The following PREPL variants were observed in gnomAD, a reference collection of about 807,000 sequenced individuals.
The protein encoded by PREPL is prolyl endopeptidase like, also known as prolyl endopeptidase-like.
PREPL carries 77 observed loss-of-function variants against 70.6 expected under a neutral mutation model. The observed-to-expected ratio is 1.09, with a 90% confidence interval of 0.91 to 1.32. The LOEUF is 1.32. Ranked by LOEUF, PREPL falls within the 40% of genes most tolerant of loss-of-function variation. The probability of loss-of-function intolerance (pLI) is 0.00; values close to 1 mark genes in which losing one functional copy is unlikely to be tolerated. For synonymous variants in PREPL, 315 were observed against 264.8 expected, an observed-to-expected ratio of 1.19 and a Z score of -1.84; for missense variants, 1,002 against 778.2, an observed-to-expected ratio of 1.29 and a Z score of -3.42.
At chr2:44,340,842 C>G (rs1264576326) in intron 5 of PREPL, among the ~76,000 whole-genome samples, 1 of 151,028 alleles carries the variant, frequency 6.6e-6, no homozygotes, top group Non-Finnish European at 1.5e-5. Context: ...GTAGAAGAAT[C>G]ACTTGAACCT....
At chr2:44,322,635 A>C in intron 12 of PREPL, 96 bp downstream of exon 12, 1 of 1,454,076 alleles carries the variant, frequency 6.9e-7, no homozygotes. Flanking sequence ...TCCTGGGCAG[A>C]TGATTTGGCT....
chr2:44,359,467 T>A (rs374590012), intron 1 of PREPL: 117 of 1,473,342 alleles, frequency 7.9e-5, no homozygotes, highest in Middle Eastern at 2.3e-4. Context: ...CTTAATGACC[T>A]ACAAATAGGT....
chr2:44,346,130 T>C (rs1675792201), intron 2 of PREPL, 138 bp downstream of exon 2: 1 of 633,058 alleles, frequency 1.6e-6, no homozygotes, highest in Non-Finnish European at 2.5e-6. Context: ...TCTTTGCTTT[T>C]TAAGTTTTTC....
chr2:44,356,231 C>T (rs1677028106), intron 1 of PREPL: 1 of 152,078 alleles, frequency 6.6e-6, no homozygotes, highest in Non-Finnish European at 1.5e-5. Flanking sequence ...CCAGAATTAC[C>T]TGATGTGAAC....
chr2:44,335,773 A>G (rs1674576780), intron 7 of PREPL, among the ~76,000 whole-genome samples: 1 of 152,060 alleles, frequency 6.6e-6, no homozygotes. Flanking sequence ...ATGGGAGAAA[A>G]TATTTACAAA....
intron 3 of PREPL, among the ~76,000 whole-genome samples, chr2:44,344,264 C>T (rs1675538901): frequency 6.6e-6 from 1 of 152,006 alleles, no homozygotes; most frequent in Non-Finnish European, 1.5e-5. Flanking sequence ...ACAATATATG[C>T]CAAGTGCCTA....
intron 5 of PREPL, among the ~76,000 whole-genome samples, chr2:44,341,371 TTGTC>T (rs1423818273): frequency 1.3e-5 from 2 of 152,170 alleles, no homozygotes; most frequent in South Asian, 2.1e-4. Context: ...GCTCTATTAT[TTGTC>T]TATCAATTTG....
rs1484183398 is a variant in PREPL at position 44,339,383 on chromosome 2, C to T, written c.486-20G>A. The T allele has an allele frequency of 6.2e-7, 1 of 1,604,882 alleles. No homozygotes were observed. ...AAGTAGCTAGAGAGAGAGAGAGAGA[C>T]ATGAGATCACAGTTTATTTCAGATG... On this transcript the variant is annotated intron_variant, in intron 5 of 13. Coordinates refer to ENST00000409411, the MANE Select transcript of PREPL (RefSeq NM_001171613.2).
In PREPL at chr2:44,321,339, C is replaced by A. The variant is rs375247176; in HGVS notation, c.*17G>T. 1.4e-4 allele frequency: 219 copies of A among 1,570,658 alleles called. No individual in the cohort carries two copies. Among genetic ancestry groups the A allele is most frequent in the Admixed American group, 3.2e-4 (19 of 59,318 alleles). On this transcript the variant is annotated 3_prime_UTR_variant, in exon 14 of 14. Coordinates refer to ENST00000409411, the MANE Select transcript of PREPL (RefSeq NM_001171613.2). ...AATATTTCAGTGTGTTTCCAATTCC[C>A]AGTTGAATGCAGTGTTTCAGAATTT...
chr2:44,344,162 C>T (rs1249535059), intron 3 of PREPL, among the ~76,000 whole-genome samples: 1 of 152,032 alleles, frequency 6.6e-6, no homozygotes, highest in Non-Finnish European at 1.5e-5. Flanking sequence ...TGTGCATCAA[C>T]CTATGAGACA....
intron 4 of PREPL, 54 bp downstream of exon 4, chr2:44,343,691 A>G (rs1015262849): frequency 1.3e-6 from 2 of 1,520,818 alleles, no homozygotes; most frequent in Non-Finnish European, 9.1e-7. Flanking sequence ...AAAATGTTTC[A>G]AAAGTGTTAC....
Position 44,320,560 on chromosome 2 carries a change from C to G in PREPL, c.*796G>C, listed in dbSNP as rs199949010. On this transcript the variant is annotated 3_prime_UTR_variant, in exon 14 of 14. Coordinates refer to ENST00000409411, the MANE Select transcript of PREPL (RefSeq NM_001171613.2). ...ACGAAGAATCTCCTTCATCGCCAAACAGCTTTCAGAGATAGATGCTTTGTT... is the reference window on the plus strand; with the variant it reads ...ACGAAGAATCTCCTTCATCGCCAAAGAGCTTTCAGAGATAGATGCTTTGTT... The G allele has an allele frequency of 1.4e-5, 22 of 1,614,060 alleles. No homozygotes were observed. In the African/African-American group the frequency reaches 1.7e-4, roughly 13 times the overall value.
At position 44,343,869 on chromosome 2, in the gene PREPL, A is replaced by G. The variant is rs72875319; in HGVS notation, c.225T>C (p.Ala75=). 6.2e-7 allele frequency: 1 copy of G among 1,614,036 alleles called. No individual in the cohort carries two copies. The highest frequency in any genetic ancestry group is 1.7e-5 in the Admixed American group (1 of 60,004). Residue 75 remains alanine (A), a synonymous_variant, in exon 4 of 14, where the codon GCT becomes GCC. Coordinates refer to ENST00000409411, the MANE Select transcript of PREPL (RefSeq NM_001171613.2). ...TGGCAGCCACATATTTTTCATCTGG[A>G]GCAACTCTGATACAATCAATGAAGG... The part of the protein sequence containing the change: ...DQPFIDCIRV[A]PDEKYVAAKI...
rs762412313 is a variant in PREPL at position 44,343,767 on chromosome 2, A to G, written c.327T>C (p.Ser109=). The change falls in exon 4 of 14, where the codon TCT becomes TCC. Residue 109 remains serine, a synonymous_variant. Transcript: ENST00000409411. ...KLSDQPVMEA[S]FPNVSSFEWV... is the part of the protein sequence containing the mutation. ...TACCAAAACTGGACACATTCGGGAA[A>G]GAAGCTTCCATTACGGGCTGATCGC... is the stretch of plus-strand genomic sequence containing the variant. The G allele has an allele frequency of 6.2e-7, 1 of 1,613,874 alleles. No homozygotes were observed. The highest frequency in any genetic ancestry group is 1.1e-5 in the South Asian group (1 of 91,080).
At position 44,321,002 on chromosome 2, in the gene PREPL, A is replaced by T. The variant is rs968138011; in HGVS notation, c.*354T>A. ...GATGACTCACTGCCACAGTGTCTAA[A>T]AGCATTTGCTAGCAAAGAGGCAGGA... On this transcript the variant is annotated 3_prime_UTR_variant, in exon 14 of 14. Coordinates refer to ENST00000409411, the MANE Select transcript of PREPL (RefSeq NM_001171613.2). 2.6e-6 allele frequency: 1 copy of T among 386,282 alleles called. No individual in the cohort carries two copies. Among genetic ancestry groups the T allele is most frequent in the East Asian group, 5.7e-5 (1 of 17,516 alleles). 23.9% of individuals were successfully genotyped at this position (386,282 alleles called of 1,614,324 possible).
intron 1 of PREPL, among the ~76,000 whole-genome samples, chr2:44,354,576 C>G (rs1236814566): frequency 6.9e-6 from 1 of 145,224 alleles, no homozygotes; most frequent in Non-Finnish European, 1.5e-5. Context: ...CTTTCCTCCT[C>G]TCTTTTTTTT....
intron 10 of PREPL, 22 bp from the exon 11 acceptor site, chr2:44,323,433 T>G: frequency 6.4e-7 from 1 of 1,555,798 alleles, no homozygotes; most frequent in Non-Finnish European, 8.7e-7. Flanking sequence ...GCAAAGAAAC[T>G]TATACTTCAA....
At chr2:44,326,361 G>GT (rs1010529721) in intron 10 of PREPL, among the ~76,000 whole-genome samples, 1 of 149,080 alleles carries the variant, frequency 6.7e-6, no homozygotes, top group African/African-American at 2.5e-5. Context: ...TGGTAAAACT[G>GT]TAACAGAAAT....
intron 2 of PREPL, 21 bp from the exon 3 acceptor site, chr2:44,344,607 T>C: frequency 6.5e-7 from 1 of 1,541,398 alleles, no homozygotes; most frequent in Non-Finnish European, 8.8e-7. Context: ...AAACATGCAG[T>C]TTACTTAATA....
Sources: gnomAD v4.1 joint callset for allele counts (sites outside exome capture counted in the v4.1 genomes callset) on GRCh38, gnomAD v4.1.1 for gene constraint, MANE v1.5 for transcripts, NCBI Gene and HGNC (gene_info 2026-07-23, HGNC 2026-07-21) for gene names.